Variants in ARHGEF10L observed in about 807,000 individuals in gnomAD.
ARHGEF10L encodes the protein Rho guanine nucleotide exchange factor 10 like.
A neutral mutation model predicts 141.2 loss-of-function variants in ARHGEF10L; 69 were observed. The ratio of observed to expected loss-of-function variants is 0.49; its 90% CI spans 0.40 to 0.60. The LOEUF (loss-of-function observed/expected upper bound fraction) is 0.60, where lower values mean the gene tolerates loss of function less well. Ranked by LOEUF, ARHGEF10L falls within the 20% of genes least tolerant of loss-of-function variation. ARHGEF10L has a pLI of 0.00. For synonymous variants in ARHGEF10L, 711 were observed against 718.5 expected (o/e 0.99, Z 0.17); for missense variants, 1,482 against 1,734.3 (o/e 0.85, Z 2.58).
intron 22 of ARHGEF10L, among the ~76,000 whole-genome samples, chr1:17,650,549 A>G (rs1346733141): frequency 6.6e-6 from 1 of 152,138 alleles, no homozygotes; most frequent in Non-Finnish European, 1.5e-5. Flanking sequence ...CCTGGCCAAC[A>G]TGGTGAAACC....
chr1:17,589,430 G>T (rs955154083), intron 4 of ARHGEF10L, among the ~76,000 whole-genome samples: 1 of 152,194 alleles, frequency 6.6e-6, no homozygotes, highest in Non-Finnish European at 1.5e-5. Flanking sequence ...CACTACCCTG[G>T]TGAGGGGAGG....
upstream of ARHGEF10L, among the ~76,000 whole-genome samples, chr1:17,536,470 C>A (rs1314784880): frequency 6.6e-6 from 1 of 152,072 alleles, no homozygotes; most frequent in Non-Finnish European, 1.5e-5. Context: ...GAGCAAGACT[C>A]TATCACCAAA....
At chr1:17,675,734 G>C (rs1324340519) in intron 26 of ARHGEF10L, among the ~76,000 whole-genome samples, 1 of 148,864 alleles carries the variant, frequency 6.7e-6, no homozygotes, top group Non-Finnish European at 1.5e-5. Context: ...AGGTGTGGGT[G>C]CAGGTGTGTT....
At chr1:17,519,799 C>T in the ARHGEF10L span, among the ~76,000 whole-genome samples, 1 of 150,998 alleles carries the variant, frequency 6.6e-6, no homozygotes, top group African/African-American at 2.4e-5. Context: ...GTCAAGATCG[C>T]ACCATTTTAC....
At chr1:17,578,224 T>C (rs1449696379) in intron 1 of ARHGEF10L, among the ~76,000 whole-genome samples, 1 of 152,156 alleles carries the variant, frequency 6.6e-6, no homozygotes, top group Non-Finnish European at 1.5e-5. Flanking sequence ...TCAGAGGTTT[T>C]GAATGAGCCC....
intron 1 of ARHGEF10L, among the ~76,000 whole-genome samples, chr1:17,568,663 G>A (rs2077863883): frequency 6.6e-6 from 1 of 152,198 alleles, no homozygotes; most frequent in African/African-American, 2.4e-5. Flanking sequence ...AATACTAGGG[G>A]GAGTTTAGGA....
intron 1 of ARHGEF10L, among the ~76,000 whole-genome samples, chr1:17,548,628 C>T (rs2100688006): frequency 6.7e-6 from 1 of 149,132 alleles, no homozygotes; most frequent in African/African-American, 2.5e-5. Context: ...GCTCAAGTAC[C>T]TTGAGCTCAA....
chr1:17,607,026 GC>G lies in ARHGEF10L; in HGVS notation c.434-771del, dbSNP rs1014361426. On this transcript the variant is annotated intron_variant, in intron 6 of 28. Transcript: ENST00000361221. The surrounding 1 kb of genome is among the most constrained non-coding windows in gnomAD (Gnocchi z 4.5). The stretch of plus-strand genomic sequence containing the variant: ...AGCTCCTGGACTCTGGGCCAGCTGC[GC>G]CCCCTACTGGAAGATCCCAGGCTGC... 2.6e-5 allele frequency among the ~76,000 whole-genome samples: 4 copies of G among 152,186 alleles called. No homozygotes were observed. The highest frequency in any genetic ancestry group is 7.2e-5 in the African/African-American group (3 of 41,446).
chr1:17,520,462 A>T, the ARHGEF10L span, among the ~76,000 whole-genome samples: 1 of 152,244 alleles, frequency 6.6e-6, no homozygotes, highest in Admixed American at 6.5e-5. Context: ...GATTGAGGTC[A>T]GTTTCCTTTC....
intron 26 of ARHGEF10L, among the ~76,000 whole-genome samples, chr1:17,678,293 T>A (rs1178237137): frequency 6.6e-6 from 1 of 152,010 alleles, no homozygotes; most frequent in Non-Finnish European, 1.5e-5. Context: ...CTGGCTGTCA[T>A]AATTGAAGAA....
chr1:17,550,601 C>A (rs2077075335), intron 1 of ARHGEF10L, among the ~76,000 whole-genome samples: 3 of 150,724 alleles, frequency 2.0e-5, no homozygotes, highest in Admixed American at 1.3e-4. Context: ...TGAGACTGTG[C>A]CATTGCAGTA....
intron 2 of ARHGEF10L, among the ~76,000 whole-genome samples, chr1:17,582,143 G>T (rs1022711386): frequency 1.3e-5 from 2 of 152,034 alleles, no homozygotes; most frequent in African/African-American, 4.8e-5. Context: ...TTGCCGGGGG[G>T]AGGATAGAAG....
chr1:17,670,920 G>A (rs2063278642), intron 26 of ARHGEF10L, among the ~76,000 whole-genome samples: 1 of 152,210 alleles, frequency 6.6e-6, no homozygotes, highest in African/African-American at 2.4e-5. Context: ...CTTGGGTCTC[G>A]GCTTAACTGC....
intron 21 of ARHGEF10L, among the ~76,000 whole-genome samples, chr1:17,642,324 G>A (rs1249290663): frequency 6.6e-6 from 1 of 152,238 alleles, no homozygotes; most frequent in African/African-American, 2.4e-5. Context: ...AGGCCCTGAG[G>A]TAGGGACAGA....
intron 4 of ARHGEF10L, among the ~76,000 whole-genome samples, chr1:17,596,220 G>A (rs2080086676): frequency 6.6e-6 from 1 of 152,228 alleles, no homozygotes; most frequent in Admixed American, 6.5e-5. Context: ...GCTCTCTAAG[G>A]TCCTCAGCTT....
intron 1 of ARHGEF10L, among the ~76,000 whole-genome samples, chr1:17,570,033 C>T (rs1374984082): frequency 6.6e-6 from 1 of 152,158 alleles, no homozygotes; most frequent in Non-Finnish European, 1.5e-5. Flanking sequence ...GAGGAGCTGT[C>T]CTGGGTGCAG....
chr1:17,629,930 G>A (rs1031565107), intron 15 of ARHGEF10L, among the ~76,000 whole-genome samples: 1 of 152,238 alleles, frequency 6.6e-6, no homozygotes. Flanking sequence ...GTAGTGGTTG[G>A]GAAGAGCCGT....
intron 26 of ARHGEF10L, among the ~76,000 whole-genome samples, chr1:17,680,652 G>A (rs909430409): frequency 2.6e-5 from 4 of 151,976 alleles, no homozygotes; most frequent in East Asian, 1.9e-4. Flanking sequence ...TTTTGTCCCC[G>A]TGTACAGATG....
intron 1 of ARHGEF10L, among the ~76,000 whole-genome samples, chr1:17,548,292 G>A (rs1054750389): frequency 1.3e-5 from 2 of 151,980 alleles, no homozygotes; most frequent in Non-Finnish European, 2.9e-5. Flanking sequence ...TTACTGTAAG[G>A]GGTCTCCATA....
Sources: gnomAD v4.1 joint callset for allele counts (sites outside exome capture counted in the v4.1 genomes callset) on GRCh38, gnomAD v4.1.1 for gene constraint, Gnocchi (gnomAD v3.1) non-coding constraint, MANE v1.5 for transcripts, NCBI Gene and HGNC (gene_info 2026-07-23, HGNC 2026-07-21) for gene names.